Variants in SNTB1 observed in about 807,000 individuals in gnomAD.
SNTB1 encodes syntrophin beta 1, also known as beta-1-syntrophin.
SNTB1 carries 36 observed loss-of-function variants against 48.9 expected under a neutral mutation model. That is an observed-to-expected ratio of 0.74 (90% CI 0.56 to 0.97). The LOEUF (loss-of-function observed/expected upper bound fraction) is 0.97. Among genes scored for constraint, SNTB1 ranks in the 50% least tolerant of loss-of-function variants. The pLI, the probability that SNTB1 is intolerant of heterozygous loss-of-function variation, is 0.00. For synonymous variants in SNTB1, 299 were observed against 294.6 expected (o/e 1.01, Z -0.15); for missense variants, 786 against 703.4 (o/e 1.12, Z -1.33).
intron 1 of SNTB1, among the ~76,000 whole-genome samples, chr8:120,803,403 T>A (rs1454394498): frequency 6.6e-6 from 1 of 152,204 alleles, no homozygotes; most frequent in Non-Finnish European, 1.5e-5. Context: ...AGCATCATTA[T>A]AGGTCAAGGC....
At chr8:120,754,647 G>C (rs1031620008) in intron 1 of SNTB1, among the ~76,000 whole-genome samples, 10 of 151,700 alleles carry the variant, frequency 6.6e-5, no homozygotes, top group Non-Finnish European at 8.8e-5. Flanking sequence ...TAGATGTAGA[G>C]AGTATATGAA....
rs1172188308 is a variant in SNTB1 at position 120,536,385 on chromosome 8, C to G, written c.*2492G>C. The G allele has an allele frequency of 1.3e-5, 2 of 152,214 alleles. No homozygotes were observed. Among genetic ancestry groups the G allele is most frequent in the East Asian group, 3.8e-4 (2 of 5,204 alleles). The allele number at this position is 152,214 out of a possible 1,614,324, so 9.4% of individuals were successfully genotyped here. A position where few individuals can be genotyped will look rare whatever the true frequency, so the allele number is the denominator to read the frequency against. On this transcript the variant is annotated 3_prime_UTR_variant, in exon 7 of 7. Coordinates refer to ENST00000517992, the MANE Select transcript of SNTB1 (RefSeq NM_021021.4). ...ATTCCTCAAAGTGACTCGGTTGATT[C>G]ATTGACTGTACCCAAGCATGATCCA... is the stretch of plus-strand genomic sequence containing the variant.
rs1338224192 is a variant in SNTB1, at chr8:120,811,213, G to GTGGGAAGCC, written c.571+51_571+59dup. On this transcript the variant is annotated intron_variant, in intron 1 of 6. Transcript: ENST00000517992. ...AGTGAGTGTGAGTGTGAGCGTGCGG[G>GTGGGAAGCC]TGGGAAGCCGAGCAGGTGTGTGCGC... 20 of 1,525,254 alleles carry GTGGGAAGCC rather than the reference G, an allele frequency of 1.3e-5. No individual in the cohort carries two copies. In the South Asian group the frequency reaches 2.3e-4, roughly 17 times the overall value. 94.5% of individuals were successfully genotyped at this position (1,525,254 alleles called of 1,614,324 possible).
Position 120,538,842 on chromosome 8 carries a change from G to T in SNTB1, c.*35C>A. 6.5e-7 allele frequency: 1 copy of T among 1,536,586 alleles called. No homozygotes were observed. The highest frequency in any genetic ancestry group is 9.0e-7 in the Non-Finnish European group (1 of 1,109,850). On this transcript the variant is annotated 3_prime_UTR_variant, in exon 7 of 7. Coordinates refer to ENST00000517992, the MANE Select transcript of SNTB1 (RefSeq NM_021021.4). Reference sequence around the variant, plus strand: ...CATCACGTTCTCTGGTGGCATTGCAGCCCTTCTTTTCTCAAAGGCAAGTCA... The same window carrying T: ...CATCACGTTCTCTGGTGGCATTGCATCCCTTCTTTTCTCAAAGGCAAGTCA...
chr8:120,537,714 G>A lies in SNTB1; in HGVS notation c.*1163C>T, dbSNP rs929271862. ...AGTGAATTTGTTTTGAAAGATAAAA[G>A]TAAAAGCATTAAATCAGTAATGTGC... On this transcript the variant is annotated 3_prime_UTR_variant, in exon 7 of 7. Transcript: ENST00000517992. 2.0e-5 allele frequency: 3 copies of A among 152,152 alleles called. No homozygotes were observed. Among genetic ancestry groups the A allele is most frequent in the African/African-American group, 7.2e-5 (3 of 41,444 alleles). The allele number at this position is 152,152 out of a possible 1,614,324, so 9.4% of individuals were successfully genotyped here. A position where few individuals can be genotyped will look rare whatever the true frequency, so the allele number is the denominator to read the frequency against.
chr8:120,685,988 T>A (rs1401278142), intron 2 of SNTB1, among the ~76,000 whole-genome samples: 2 of 152,222 alleles, frequency 1.3e-5, no homozygotes, highest in Non-Finnish European at 2.9e-5. Flanking sequence ...CATTGTCCAA[T>A]ACCATGTTCC....
chr8:120,583,213 T>C (rs1816076709), intron 3 of SNTB1, among the ~76,000 whole-genome samples: 1 of 152,140 alleles, frequency 6.6e-6, no homozygotes, highest in Non-Finnish European at 1.5e-5. Context: ...GAAGAAATAC[T>C]GGAACAGCTG....
intron 2 of SNTB1, chr8:120,635,869 AGCTG>A (rs1293984788): frequency 5.4e-6 from 2 of 367,548 alleles, no homozygotes. Flanking sequence ...GTTGTAGTCA[AGCTG>A]GCATCCTTTG....
At chr8:120,698,503 T>C (rs1818247590) in intron 1 of SNTB1, among the ~76,000 whole-genome samples, 2 of 152,238 alleles carry the variant, frequency 1.3e-5, no homozygotes, top group African/African-American at 4.8e-5. Context: ...CCTGATTTTT[T>C]TTGATATGTA....
In SNTB1 at chr8:120,693,833, G is replaced by A. The variant is rs752413892; in HGVS notation, c.647C>T (p.Pro216Leu). ...GCCCCCTAACCGAGGGGATTCAGGC[G>A]GAGGTGTTTCCCACCCAATCTCGGA... ...PVSEIGWETP[P>L]PESPRLGGST... The change falls in exon 2 of 7, where the codon CCG (proline) becomes CTG (leucine). Residue 216 changes from proline to leucine, a missense_variant. Pro to Leu is a moderately conservative substitution (Grantham distance 98). Transcript: ENST00000517992. 56 of 1,613,994 alleles carry A rather than the reference G, an allele frequency of 3.5e-5. 1 individual carries two copies. The highest frequency in any genetic ancestry group is 7.7e-5 in the South Asian group (7 of 91,080).
intron 2 of SNTB1, among the ~76,000 whole-genome samples, chr8:120,685,992 A>G (rs1021169707): frequency 6.6e-6 from 1 of 152,192 alleles, no homozygotes; most frequent in Non-Finnish European, 1.5e-5. Flanking sequence ...GTCCAATACC[A>G]TGTTCCACAT....
intron 4 of SNTB1, chr8:120,571,124 T>A: frequency 1.0e-6 from 1 of 972,744 alleles, no homozygotes; most frequent in South Asian, 1.9e-5. Flanking sequence ...CAGTCCCCAT[T>A]GTTCATAATG....
At chr8:120,758,397 G>T (rs919941778) in intron 1 of SNTB1, among the ~76,000 whole-genome samples, 1 of 152,106 alleles carries the variant, frequency 6.6e-6, no homozygotes, top group African/African-American at 2.4e-5. Context: ...ATAAGAGACA[G>T]ATTTCATTAA....
chr8:120,729,235 T>G (rs1181973240), intron 1 of SNTB1, among the ~76,000 whole-genome samples: 4 of 152,166 alleles, frequency 2.6e-5, no homozygotes, highest in Admixed American at 2.6e-4. Flanking sequence ...CCGCCCACCT[T>G]GGCCTCTCAA....
intron 3 of SNTB1, among the ~76,000 whole-genome samples, chr8:120,628,261 A>C (rs987449421): frequency 1.3e-5 from 2 of 152,192 alleles, no homozygotes; most frequent in Non-Finnish European, 1.5e-5. Flanking sequence ...CCTGTTTATT[A>C]CTGTTTTTCT....
chr8:120,746,933 T>A (rs2130021293), intron 1 of SNTB1, among the ~76,000 whole-genome samples: 1 of 152,274 alleles, frequency 6.6e-6, no homozygotes, highest in South Asian at 2.1e-4. Context: ...ATTCAGTCAG[T>A]CACAAGGATG....
intron 3 of SNTB1, among the ~76,000 whole-genome samples, chr8:120,598,800 C>T (rs886304755): frequency 9.9e-5 from 15 of 152,198 alleles, no homozygotes; most frequent in Middle Eastern, 3.2e-3. Flanking sequence ...TTCCTAGCTT[C>T]TAGAGCTGCA....
At chr8:120,730,865 A>G (rs538139726) in intron 1 of SNTB1, among the ~76,000 whole-genome samples, 219 of 152,216 alleles carry the variant, frequency 1.4e-3, no homozygotes, top group Non-Finnish European at 2.7e-3. Context: ...CACACCTATA[A>G]TCCCAGCACT....
chr8:120,608,470 G>A (rs1816562655), intron 3 of SNTB1, among the ~76,000 whole-genome samples: 1 of 152,066 alleles, frequency 6.6e-6, no homozygotes, highest in Non-Finnish European at 1.5e-5. Context: ...AAAGATTAGG[G>A]CACAGACACC....
Sources: allele counts gnomAD v4.1 joint callset (sites outside exome capture counted in the v4.1 genomes callset), GRCh38; gene constraint gnomAD v4.1.1; transcripts MANE v1.5; gene names NCBI Gene and HGNC (gene_info 2026-07-23, HGNC 2026-07-21).